Variants in CEP72 observed in about 807,000 individuals in gnomAD.
The protein encoded by CEP72 is centrosomal protein 72, also known as centrosomal protein of 72 kDa.
A neutral mutation model predicts 65.7 loss-of-function variants in CEP72; 78 were observed. The observed-to-expected ratio is 1.19, with a 90% CI of 0.99 to 1.43. The LOEUF (loss-of-function observed/expected upper bound fraction) is 1.43. Ranked by LOEUF, CEP72 falls within the 40% of genes most tolerant of loss-of-function variation. CEP72 has a pLI of 0.00. For synonymous variants in CEP72, 358 were observed against 351.7 expected (o/e 1.02, Z -0.20); for missense variants, 914 against 832.9 (o/e 1.10, Z -1.20).
intron 11 of CEP72, among the ~76,000 whole-genome samples, chr5:650,320 C>T (rs1337502367): frequency 5.6e-4 from 60 of 108,036 alleles, no homozygotes; most frequent in Non-Finnish European, 6.7e-4. Flanking sequence ...GACTGTGAGG[C>T]GTGGACTGTG....
At chr5:643,953 GAC>G (rs894832894) in intron 9 of CEP72, among the ~76,000 whole-genome samples, 1 of 152,220 alleles carries the variant, frequency 6.6e-6, no homozygotes, top group African/African-American at 2.4e-5. Context: ...TCCTGGAAGA[GAC>G]AGGGTTCCCC....
chr5:629,399 G>A (rs1191561562), intron 4 of CEP72, among the ~76,000 whole-genome samples: 4 of 151,918 alleles, frequency 2.6e-5, no homozygotes, highest in Non-Finnish European at 4.4e-5. Flanking sequence ...TCCTAGTGGG[G>A]TTCTGTCCAG....
downstream of CEP72, among the ~76,000 whole-genome samples, chr5:656,323 C>T (rs928183203): frequency 5.3e-5 from 8 of 152,126 alleles, no homozygotes; most frequent in Non-Finnish European, 1.2e-4. Context: ...ACTAGCCGGT[C>T]GAGTTGGGAT....
At chr5:612,914 C>G (rs1354166238) in intron 1 of CEP72, among the ~76,000 whole-genome samples, 1 of 152,236 alleles carries the variant, frequency 6.6e-6, no homozygotes, top group Non-Finnish European at 1.5e-5. Flanking sequence ...TCATAAACTG[C>G]TGAGAAGTGT....
At chr5:663,851 G>C (rs774294305) in intron 2 of CEP72, 1 of 152,360 alleles carries the variant, frequency 6.6e-6, no homozygotes, top group Non-Finnish European at 1.5e-5. Context: ...GGCTGTGTGC[G>C]TGCCAAGGGA....
chr5:629,250 A>G (rs1444084207), intron 4 of CEP72, among the ~76,000 whole-genome samples: 1 of 152,234 alleles, frequency 6.6e-6, no homozygotes, highest in African/African-American at 2.4e-5. Flanking sequence ...GCCATTATGA[A>G]AACATTCTCC....
At chr5:613,796 G>A (rs1231018474) in intron 1 of CEP72, among the ~76,000 whole-genome samples, 3 of 152,238 alleles carry the variant, frequency 2.0e-5, no homozygotes, top group Non-Finnish European at 4.4e-5. Flanking sequence ...CGCTTGCGGG[G>A]CCCTTTAGAC....
rs1554011216 is a variant in CEP72 at position 619,048 on chromosome 5, A to G, written c.141A>G (p.Gly47=). ...ACCAAGAGAAGATCACCCACCTGGG[A>G]CATTCTCTGATGAGTTTAACAGGTC... ...GTYQEKITHL[G]HSLMSLTGLK... The change falls in exon 2 of 12, where the codon GGA becomes GGG. Residue 47 remains glycine, a synonymous_variant. Coordinates refer to ENST00000264935, the MANE Select transcript of CEP72 (RefSeq NM_018140.4). The G allele has an allele frequency of 1.2e-6, 2 of 1,613,268 alleles. No homozygotes were observed. Among genetic ancestry groups the G allele is most frequent in the East Asian group, 4.5e-5 (2 of 44,876 alleles).
intron 4 of CEP72, among the ~76,000 whole-genome samples, chr5:631,747 A>G (rs1406167772): frequency 1.5e-4 from 11 of 74,110 alleles, no homozygotes; most frequent in Non-Finnish European, 2.9e-4. Context: ...GGTGCTGTCC[A>G]GTGCCGGGAT....
downstream of CEP72, among the ~76,000 whole-genome samples, chr5:657,645 C>T (rs1739413613): frequency 6.6e-6 from 1 of 152,198 alleles, no homozygotes; most frequent in South Asian, 2.1e-4. Context: ...GTCCCCCCTG[C>T]CTTTACGCTG....
intron 4 of CEP72, 41 bp from the exon 5 acceptor site, chr5:633,723 ATATGG>A: frequency 6.3e-7 from 1 of 1,585,316 alleles, no homozygotes. Flanking sequence ...GGGCCGGAGC[ATATGG>A]CTGGCTTGAG....
chr5:635,550 C>T lies in CEP72; in HGVS notation c.870C>T (p.Ala290=), dbSNP rs748009649. The stretch of plus-strand genomic sequence containing the variant: ...GAGCGGAGCCAGAGGCCTCCCGTGC[C>T]CCCAGGCCACACACGTACTTCACCC... ...LYGAEPEASR[A]PRPHTYFTPH... is the part of the protein sequence containing the mutation. Residue 290 remains alanine (A), a synonymous_variant, in exon 6 of 12, where the codon GCC becomes GCT. Transcript: ENST00000264935. 8 of 1,613,838 alleles carry T rather than the reference C, an allele frequency of 5.0e-6. No homozygotes were observed. Among genetic ancestry groups the T allele is most frequent in the Non-Finnish European group, 5.9e-6 (7 of 1,179,926 alleles).
downstream of CEP72, among the ~76,000 whole-genome samples, chr5:671,346 G>A (rs1004041266): frequency 3.9e-5 from 6 of 152,276 alleles, no homozygotes; most frequent in Admixed American, 6.5e-5. Flanking sequence ...GAGGGACCCC[G>A]GGCAGATCTG....
the CEP72 span, among the ~76,000 whole-genome samples, chr5:673,959 GGCCATGTGCATGCACACATGC>G: frequency 6.6e-6 from 1 of 152,246 alleles, no homozygotes; most frequent in African/African-American, 2.4e-5. Context: ...GTGCACATGC[GGCCATGTGCATGCACACATGC>G]GCCATAGTTT....
chr5:649,515 T>C (rs1336996635), intron 11 of CEP72, among the ~76,000 whole-genome samples: 9 of 58,918 alleles, frequency 1.5e-4, no homozygotes, highest in East Asian at 1.3e-3. Flanking sequence ...GACTGTGAGG[T>C]GTGACTGTGA....
downstream of CEP72, among the ~76,000 whole-genome samples, chr5:668,192 CCGT>C (rs1740016867): frequency 8.2e-6 from 1 of 122,688 alleles, no homozygotes; most frequent in African/African-American, 3.1e-5. Context: ...CGCGTGGGCG[CCGT>C]CAGGGAAGTA....
chr5:672,742 G>C, the CEP72 span, among the ~76,000 whole-genome samples: 1 of 152,236 alleles, frequency 6.6e-6, no homozygotes, highest in Non-Finnish European at 1.5e-5. Flanking sequence ...CCCGTGGTCC[G>C]GTCCCGCCTG....
Position 620,481 on chromosome 5 carries a change from C to T in CEP72, c.403+220C>T, listed in dbSNP as rs577466332. On this transcript the variant is annotated intron_variant, in intron 3 of 11. Coordinates refer to ENST00000264935, the MANE Select transcript of CEP72 (RefSeq NM_018140.4). ...CTGGAAGTTGAGCACCCTGGGAGGGCGCAGGGCTGGGGCCGTGGGAGCACA... is the reference window on the plus strand; with the variant it reads ...CTGGAAGTTGAGCACCCTGGGAGGGTGCAGGGCTGGGGCCGTGGGAGCACA... 2.0e-5 allele frequency among the ~76,000 whole-genome samples: 3 copies of T among 152,302 alleles called. No individual in the cohort carries two copies. The East Asian group carries it at 5.8e-4, about 29-fold the overall frequency.
intron 2 of CEP72, chr5:665,085 G>A (rs201438644): frequency 1.7e-5 from 27 of 1,603,926 alleles, no homozygotes; most frequent in East Asian, 1.6e-4. Flanking sequence ...GCAGTGCCGC[G>A]AGGCATGGAG....
Sources: allele counts gnomAD v4.1 joint callset (sites outside exome capture counted in the v4.1 genomes callset), GRCh38; gene constraint gnomAD v4.1.1; transcripts MANE v1.5; gene names NCBI Gene and HGNC (gene_info 2026-07-23, HGNC 2026-07-21).